NBPF9: variants seen among roughly 807,000 people sequenced by gnomAD.
NBPF9 encodes the protein NBPF member 9, also known as NBPF family member NBPF9.
Under a neutral mutation model 97.8 loss-of-function variants are expected in NBPF9, and 91 were observed. The ratio of observed to expected loss-of-function variants is 0.93; its 90% CI spans 0.79 to 1.11. The LOEUF is 1.11. NBPF9 is among the 50% of genes least tolerant of loss of function. The pLI, the probability that NBPF9 is intolerant of heterozygous loss-of-function variation, is 0.00. For synonymous variants in NBPF9, 334 were observed against 359.5 expected, an observed-to-expected ratio of 0.93 and a Z score of 0.80; for missense variants, 992 against 939.5, an observed-to-expected ratio of 1.06 and a Z score of -0.73.
In NBPF9 at chr1:149,061,117, G is replaced by T. The variant is rs1475488585; in HGVS notation, c.2303+215C>A. On this transcript the variant is annotated intron_variant, in intron 23 of 29. Coordinates refer to ENST00000584027, the Ensembl canonical transcript of NBPF9. ...TCGCCATGAGAATAGAGTTTTTGAA[G>T]TCTGGTCCACCTACAGTAGGTTAGT... 4.3e-4 allele frequency: 171 copies of T among 396,804 alleles called. 52 individuals carry two copies. In the Middle Eastern group the frequency reaches 0.01, roughly 23 times the overall value. The allele number at this position is 396,804 out of a possible 1,614,324, so 24.6% of individuals were successfully genotyped here.
intron 19 of NBPF9, among the ~76,000 whole-genome samples, chr1:149,064,095 C>A (rs1481619011): frequency 7.2e-6 from 1 of 138,270 alleles, no homozygotes; most frequent in South Asian, 2.4e-4. Context: ...AAAGGACACT[C>A]TGTATTTGTG....
rs1337669039 is a variant in NBPF9 at position 149,064,007 on chromosome 1, C to CACAG, written c.1854-206_1854-203dup. ...TGAAAGAGAAAGACACACACACACA[C>CACAG]ACAGACACAGACACACACACACACA... On this transcript the variant is annotated intron_variant, in intron 19 of 29. Coordinates refer to ENST00000584027, the Ensembl canonical transcript of NBPF9. 1.3e-3 allele frequency among the ~76,000 whole-genome samples: 149 copies of CACAG among 114,494 alleles called. 2 individuals are homozygous for CACAG. The highest frequency in any genetic ancestry group is 2.4e-3 in the Non-Finnish European group (129 of 54,282). The allele number at this position is 114,494 out of a possible 152,430, so 75.1% of individuals were successfully genotyped here. A position where few individuals can be genotyped will look rare whatever the true frequency, so the allele number is the denominator to read the frequency against.
chr1:149,063,105 G>A (rs1341316552), intron 20 of NBPF9, among the ~76,000 whole-genome samples, 192 bp from the exon 21 acceptor site: 1 of 141,110 alleles, frequency 7.1e-6, no homozygotes, highest in African/African-American at 2.8e-5. Context: ...AGAAACTGTG[G>A]GTAAAATTCC....
Position 149,072,635 on chromosome 1 carries a change from C to A in NBPF9, c.1306+83G>T, listed in dbSNP as rs587728017. The A allele has an allele frequency of 3.1e-5, 47 of 1,520,046 alleles. No individual in the cohort carries two copies. The African/African-American group carries it at 5.5e-4, about 18-fold the overall frequency. The allele number at this position is 1,520,046 out of a possible 1,614,324, so 94.2% of individuals were successfully genotyped here. A position where few individuals can be genotyped will look rare whatever the true frequency, so the allele number is the denominator to read the frequency against. Reference sequence around the variant, plus strand: ...TTAGTGGAAAAAAACACCATTGATACAACTGTCATTGTGAAAGTATGGAGG... The same window carrying A: ...TTAGTGGAAAAAAACACCATTGATAAAACTGTCATTGTGAAAGTATGGAGG... On this transcript the variant is annotated intron_variant, in intron 14 of 29. Coordinates refer to ENST00000584027, the Ensembl canonical transcript of NBPF9.
At chr1:149,055,662 T>A (rs782670808) in exon 30 of NBPF9, 29 of 1,611,752 alleles carry the variant, frequency 1.8e-5, no homozygotes, top group Middle Eastern at 2.2e-4. Flanking sequence ...CTGCTTATTG[T>A]GGGAATATGA....
chr1:149,057,752 C>CACACAG (rs1452697926), intron 27 of NBPF9, among the ~76,000 whole-genome samples: 11 of 64,322 alleles, frequency 1.7e-4, no homozygotes, highest in African/African-American at 6.7e-4. Context: ...CACACACACA[C>CACACAG]AGAGAGAGAG....
intron 5 of NBPF9, among the ~76,000 whole-genome samples, chr1:149,087,266 C>CTG (rs1400067690): frequency 2.8e-5 from 4 of 144,450 alleles, no homozygotes; most frequent in East Asian, 5.4e-4. Context: ...GTGTGTGTGT[C>CTG]TGTATATATA....
rs781869849 is a variant in NBPF9, at chr1:149,055,918, C to T, written c.3093-19G>A. 4.6e-5 allele frequency: 74 copies of T among 1,611,550 alleles called. No individual in the cohort carries two copies. The South Asian group carries it at 4.7e-4, about 10-fold the overall frequency. ...GTTGAGCCTGGAAAAGGAGACAAAA[C>T]TAAAGAAGCAGCCAGGGAAAATCAG... On this transcript the variant is annotated intron_variant, in intron 29 of 29. Transcript: ENST00000584027.
At chr1:149,062,487 T>G (rs2078686335) in intron 21 of NBPF9, among the ~76,000 whole-genome samples, 1 of 142,230 alleles carries the variant, frequency 7.0e-6, no homozygotes, top group South Asian at 2.3e-4. Context: ...GAGGAGAAAG[T>G]GAGCTCAGCG....
chr1:149,084,547 C>A (rs1279381077), intron 5 of NBPF9, among the ~76,000 whole-genome samples: 2 of 149,298 alleles, frequency 1.3e-5, no homozygotes, highest in African/African-American at 5.0e-5. Flanking sequence ...CACCCACCAG[C>A]CCAGGCGGCC....
chr1:149,089,549 G>A (rs2081276951), intron 5 of NBPF9, among the ~76,000 whole-genome samples: 1 of 152,288 alleles, frequency 6.6e-6, no homozygotes, highest in Admixed American at 6.5e-5. Flanking sequence ...AGTGGCATAA[G>A]ACAGGATGGA....
chr1:149,070,820 A>G (rs2152890758), intron 16 of NBPF9, 114 bp downstream of exon 16: 1 of 1,470,174 alleles, frequency 6.8e-7, no homozygotes, highest in Non-Finnish European at 9.5e-7. Context: ...ATATCTGTTT[A>G]GAAACCCATC....
At position 149,059,881 on chromosome 1, in the gene NBPF9, C is replaced by A; in HGVS notation, c.2477-73G>T. 1.4e-5 allele frequency: 7 copies of A among 498,958 alleles called. 2 individuals are homozygous for A. Among genetic ancestry groups the A allele is most frequent in the South Asian group, 8.7e-5 (4 of 45,830 alleles). 30.9% of individuals were successfully genotyped at this position (498,958 alleles called of 1,614,324 possible). A position where few individuals can be genotyped will look rare whatever the true frequency, so the allele number is the denominator to read the frequency against. On this transcript the variant is annotated intron_variant, in intron 24 of 29. Transcript: ENST00000584027. ...CACATATAACAATCCACTGTCTAAT[C>A]CTCACACAGGGACCTCAGGCTCCTC...
chr1:149,087,216 G>C (rs1278955371), intron 5 of NBPF9, among the ~76,000 whole-genome samples: 1 of 150,982 alleles, frequency 6.6e-6, no homozygotes, highest in Non-Finnish European at 1.5e-5. Context: ...TCAATGTGCT[G>C]TTTATCGTAT....
chr1:149,064,005 C>CAT (rs1553650956), intron 19 of NBPF9, among the ~76,000 whole-genome samples, 200 bp from the exon 20 acceptor site: 1 of 76,956 alleles, frequency 1.3e-5, no homozygotes, highest in Non-Finnish European at 2.8e-5. Flanking sequence ...CACACACACA[C>CAT]ACACAGACAC....
chr1:149,098,592 A>G, exon 4 of NBPF9: 1 of 1,392,028 alleles, frequency 7.2e-7, no homozygotes, highest in Non-Finnish European at 9.4e-7. Flanking sequence ...GGCCAAGAAC[A>G]CACAGCACTG....
At chr1:149,071,378 G>A (rs1225735929) in intron 15 of NBPF9, among the ~76,000 whole-genome samples, 12 of 150,250 alleles carry the variant, frequency 8.0e-5, no homozygotes, top group Admixed American at 7.3e-4. Context: ...TAGGAGCTGA[G>A]GAGGATGAAG....
At chr1:149,098,118 A>C in intron 4 of NBPF9, among the ~76,000 whole-genome samples, 1 of 146,348 alleles carries the variant, frequency 6.8e-6, no homozygotes, top group East Asian at 2.2e-4. Context: ...AGAGATGGAA[A>C]TGGGGGCAGA....
At chr1:149,055,568 C>A (rs1553648557) in exon 30 of NBPF9, 2 of 1,563,354 alleles carry the variant, frequency 1.3e-6, no homozygotes, top group African/African-American at 1.4e-5. Context: ...GTCTGGGCTT[C>A]CAAATGGAAC....
Sources: allele counts gnomAD v4.1 joint callset (sites outside exome capture counted in the v4.1 genomes callset), GRCh38; gene constraint gnomAD v4.1.1; transcripts MANE v1.5; gene names NCBI Gene and HGNC (gene_info 2026-07-23, HGNC 2026-07-21).